The following GLDC variants were observed in gnomAD, a reference collection of about 807,000 sequenced individuals.
GLDC encodes the protein glycine dehydrogenase (decarboxylating), mitochondrial.
Under a neutral mutation model 121.3 loss-of-function variants are expected in GLDC, and 104 were observed. That is an observed-to-expected ratio of 0.86 (90% confidence interval 0.73 to 1.01). The LOEUF (loss-of-function observed/expected upper bound fraction) is 1.01. GLDC is among the 50% of genes least tolerant of loss of function. The probability of loss-of-function intolerance (pLI) is 0.00; values close to 1 mark genes in which losing one functional copy is unlikely to be tolerated. For synonymous variants in GLDC, 546 were observed against 480.6 expected (o/e 1.14, Z -1.78); for missense variants, 1,429 against 1,306.6 (o/e 1.09, Z -1.44).
chr9:6,536,924 G>C (rs139060600), intron 22 of GLDC, among the ~76,000 whole-genome samples: 15 of 152,186 alleles, frequency 9.9e-5, no homozygotes, highest in Admixed American at 5.2e-4. Context: ...TGTTTCCAAA[G>C]GTTTTCACAT....
chr9:6,620,061 T>C, intron 3 of GLDC, 123 bp downstream of exon 3: 1 of 935,952 alleles, frequency 1.1e-6, no homozygotes, highest in East Asian at 2.4e-5. Flanking sequence ...TCCCGGACAT[T>C]GGAGACAGCA....
At chr9:6,545,963 A>G (rs1355070769) in intron 21 of GLDC, among the ~76,000 whole-genome samples, 1 of 152,134 alleles carries the variant, frequency 6.6e-6, no homozygotes, top group South Asian at 2.1e-4. Flanking sequence ...TTTACTTTAT[A>G]AACTAAATTT....
Position 6,630,072 on chromosome 9 carries a change from G to T in GLDC, c.335-9753C>A, listed in dbSNP as rs935046818. ...CCCAAAGTGCTGGGATTACAGGCATGAGCCACCCCACCTGGTCTCCCTGTA... is the reference window on the plus strand; with the variant it reads ...CCCAAAGTGCTGGGATTACAGGCATTAGCCACCCCACCTGGTCTCCCTGTA... On this transcript the variant is annotated intron_variant, in intron 2 of 24. Coordinates refer to ENST00000321612, the MANE Select transcript of GLDC (RefSeq NM_000170.3). Among the ~76,000 whole-genome samples the T allele has an allele frequency of 8.7e-5, 13 of 150,094 alleles. No homozygotes were observed. The South Asian group carries it at 2.7e-3, about 32-fold the overall frequency.
At chr9:6,634,443 C>T (rs1031746627) in intron 2 of GLDC, among the ~76,000 whole-genome samples, 1 of 151,872 alleles carries the variant, frequency 6.6e-6, no homozygotes, top group Non-Finnish European at 1.5e-5. Context: ...GAGGGAGGAT[C>T]GCTTGAGCCT....
At chr9:6,639,380 C>T (rs1031987680) in intron 2 of GLDC, 8 of 896,220 alleles carry the variant, frequency 8.9e-6, no homozygotes, top group African/African-American at 4.6e-5. Context: ...ATCAAGTTTA[C>T]GCTGACCACT....
chr9:6,606,753 GA>G, intron 4 of GLDC, 84 bp from the exon 5 acceptor site: 1 of 848,170 alleles, frequency 1.2e-6, no homozygotes, highest in Non-Finnish European at 2.1e-6. Flanking sequence ...ACATAGTACC[GA>G]GGGTAAGTCT....
chr9:6,574,966 T>G (rs1818035431), intron 15 of GLDC, among the ~76,000 whole-genome samples: 1 of 152,162 alleles, frequency 6.6e-6, no homozygotes, highest in Non-Finnish European at 1.5e-5. Context: ...ACCTTTCTCT[T>G]TGGTGTTCCT....
In GLDC at chr9:6,616,991, G is replaced by C. The variant is rs77939128; in HGVS notation, c.470+3193C>G. Among the ~76,000 whole-genome samples the C allele has an allele frequency of 7.1e-4, 108 of 152,294 alleles. 4 individuals carry two copies. The East Asian group carries it at 0.019, about 27-fold the overall frequency. On this transcript the variant is annotated intron_variant, in intron 3 of 24. Coordinates refer to ENST00000321612, the MANE Select transcript of GLDC (RefSeq NM_000170.3). ...TGATGTTATCAGTAGTTGAAAATTT[G>C]GAATAGTGAAACCCATAAAATAAAT...
intron 15 of GLDC, among the ~76,000 whole-genome samples, chr9:6,583,264 A>G (rs550883367): frequency 2.0e-5 from 3 of 152,256 alleles, no homozygotes; most frequent in African/African-American, 7.2e-5. Context: ...ATACTTGTAC[A>G]TCAATGTAAA....
chr9:6,625,255 A>G (rs914840773), intron 2 of GLDC, among the ~76,000 whole-genome samples: 1 of 152,032 alleles, frequency 6.6e-6, no homozygotes, highest in Non-Finnish European at 1.5e-5. Context: ...TCCAGCCCAA[A>G]GATTTGCACT....
At chr9:6,628,249 G>A (rs1221221961) in intron 2 of GLDC, among the ~76,000 whole-genome samples, 1 of 152,178 alleles carries the variant, frequency 6.6e-6, no homozygotes, top group Non-Finnish European at 1.5e-5. Context: ...CTCCTGAGTA[G>A]TAAAAGAAGC....
At chr9:6,573,555 A>G (rs945648039) in intron 15 of GLDC, among the ~76,000 whole-genome samples, 27 of 152,200 alleles carry the variant, frequency 1.8e-4, no homozygotes, top group African/African-American at 6.3e-4. Context: ...GAAGAAGAAA[A>G]AAGCGACCCC....
chr9:6,611,241 T>C (rs1818844579), intron 3 of GLDC, among the ~76,000 whole-genome samples: 1 of 152,236 alleles, frequency 6.6e-6, no homozygotes, highest in Non-Finnish European at 1.5e-5. Flanking sequence ...GAATGTGGCT[T>C]TGGATATGTC....
intron 2 of GLDC, among the ~76,000 whole-genome samples, chr9:6,638,415 A>G (rs1242852201): frequency 1.3e-5 from 2 of 151,940 alleles, no homozygotes; most frequent in African/African-American, 4.8e-5. Context: ...GGGATTCACC[A>G]TGTTGGTCAG....
At chr9:6,584,643 T>C (rs1818232646) in intron 15 of GLDC, among the ~76,000 whole-genome samples, 2 of 152,216 alleles carry the variant, frequency 1.3e-5, no homozygotes, top group South Asian at 4.1e-4. Flanking sequence ...GCATGGCCCT[T>C]GTACTTTCTC....
At position 6,540,081 on chromosome 9, in the gene GLDC, C is replaced by T. The variant is rs953517027; in HGVS notation, c.2635G>A (p.Val879Met). The T allele has an allele frequency of 3.1e-6, 5 of 1,612,602 alleles. No homozygotes were observed. Among genetic ancestry groups the T allele is most frequent in the Non-Finnish European group, 3.4e-6 (4 of 1,178,738 alleles). Residue 879 changes from valine (V) to methionine (M), a missense_variant, in exon 22 of 25, where the codon GTG becomes ATG. Val to Met is a conservative substitution (Grantham distance 21). Coordinates refer to ENST00000321612, the MANE Select transcript of GLDC (RefSeq NM_000170.3). ...PFKKSANIEA[V>M]DVAKRLQDYG... ...TCCTGGAGTCTCTTGGCCACATCCACAGCCTCAATATTTGCAGACTTTTTG... is the reference window on the plus strand; with the variant it reads ...TCCTGGAGTCTCTTGGCCACATCCATAGCCTCAATATTTGCAGACTTTTTG...
intron 8 of GLDC, among the ~76,000 whole-genome samples, chr9:6,597,905 G>A (rs1340331444): frequency 7.1e-6 from 1 of 141,784 alleles, no homozygotes; most frequent in Admixed American, 7.0e-5. Flanking sequence ...CTGCACTCCA[G>A]CCTGGGCGAT....
chr9:6,623,592 A>C (rs1402163220), intron 2 of GLDC, among the ~76,000 whole-genome samples: 2 of 151,914 alleles, frequency 1.3e-5, no homozygotes, highest in Non-Finnish European at 2.9e-5. Context: ...CCTCTGAGAG[A>C]AACACCCAAG....
rs749156397 is a variant in GLDC at position 6,606,680 on chromosome 9, GA to G, written c.636-12del. ...CTCCTCTTGTTGTGTCTGTTGAAAA[GA>G]AAAAGCACATTCCAACGTGAACATT... On this transcript the variant is annotated splice_polypyrimidine_tract_variant and intron_variant, in intron 4 of 24. Coordinates refer to ENST00000321612, the MANE Select transcript of GLDC (RefSeq NM_000170.3). The G allele has an allele frequency of 1.1e-5, 17 of 1,535,060 alleles. No individual in the cohort carries two copies. The highest frequency in any genetic ancestry group is 1.5e-5 in the Non-Finnish European group (17 of 1,109,158).
Sources: allele counts gnomAD v4.1 joint callset (sites outside exome capture counted in the v4.1 genomes callset), GRCh38; gene constraint gnomAD v4.1.1; transcripts MANE v1.5; gene names NCBI Gene and HGNC (gene_info 2026-07-23, HGNC 2026-07-21).